SUPT3H: variants seen among roughly 807,000 people sequenced by gnomAD.
The protein encoded by SUPT3H is transcription initiation protein SPT3 homolog.
Under a neutral mutation model 44.3 loss-of-function variants are expected in SUPT3H, and 44 were observed. The observed-to-expected ratio is 0.99, with a 90% CI of 0.78 to 1.28. SUPT3H has a LOEUF of 1.28. SUPT3H is among the 50% of genes most tolerant of loss of function. SUPT3H has a pLI of 0.00. For missense variants in SUPT3H, 380 were observed against 387.1 expected (o/e 0.98, Z 0.15); for synonymous variants, 124 against 125.6 (o/e 0.99, Z 0.09).
intron 3 of SUPT3H, among the ~76,000 whole-genome samples, chr6:45,102,311 A>G (rs2153569373): frequency 1.3e-5 from 2 of 152,242 alleles, no homozygotes; most frequent in African/African-American, 4.8e-5. Flanking sequence ...AGGAAAACGT[A>G]CAAGTTTAAG....
rs181558515 is a variant in SUPT3H, at chr6:45,179,022, C to T, written c.102-73016G>A. Reference sequence around the variant, plus strand: ...TTAAAAGAGAGAAGAATCAAATAGACGCAATAAAAAATGATAAAGGGGATA... The same window carrying T: ...TTAAAAGAGAGAAGAATCAAATAGATGCAATAAAAAATGATAAAGGGGATA... On this transcript the variant is annotated intron_variant, in intron 2 of 10. Transcript: ENST00000371459. 4.8e-3 allele frequency among the ~76,000 whole-genome samples: 722 copies of T among 151,980 alleles called. 5 individuals carry two copies. Among genetic ancestry groups the T allele is most frequent in the African/African-American group, 0.015 (606 of 41,444 alleles).
At chr6:45,209,514 T>A (rs767263629) in intron 2 of SUPT3H, among the ~76,000 whole-genome samples, 5 of 152,124 alleles carry the variant, frequency 3.3e-5, no homozygotes, top group Non-Finnish European at 5.9e-5. Flanking sequence ...TGTAAGAGAA[T>A]TAGAATTAGA....
chr6:45,370,898 T>C (rs1232018117), intron 1 of SUPT3H, among the ~76,000 whole-genome samples: 4 of 152,078 alleles, frequency 2.6e-5, no homozygotes, highest in Non-Finnish European at 5.9e-5. Context: ...TCCAGTACTC[T>C]CACAGAAAAA....
chr6:45,077,051 C>A (rs1253149378), intron 3 of SUPT3H, among the ~76,000 whole-genome samples: 2 of 152,148 alleles, frequency 1.3e-5, no homozygotes, highest in African/African-American at 2.4e-5. Flanking sequence ...GTACTTCCCA[C>A]TGTCTCAACT....
chr6:45,374,098 A>G (rs1353815454), intron 1 of SUPT3H, among the ~76,000 whole-genome samples: 3 of 152,194 alleles, frequency 2.0e-5, no homozygotes, highest in Non-Finnish European at 4.4e-5. Context: ...CGGGATGAGG[A>G]TGGGTACTAA....
chr6:45,287,618 A>G (rs528424074), intron 2 of SUPT3H, among the ~76,000 whole-genome samples: 81 of 152,320 alleles, frequency 5.3e-4, no homozygotes, highest in African/African-American at 1.8e-3. Context: ...GGATGGGGGA[A>G]GGAGCAGTTA....
At chr6:45,155,919 A>C (rs1404766301) in intron 2 of SUPT3H, among the ~76,000 whole-genome samples, 1 of 152,134 alleles carries the variant, frequency 6.6e-6, no homozygotes, top group African/African-American at 2.4e-5. Flanking sequence ...AAATGGGCAA[A>C]TTTATATTTT....
At chr6:45,261,158 A>G (rs185948272) in intron 2 of SUPT3H, among the ~76,000 whole-genome samples, 1 of 152,172 alleles carries the variant, frequency 6.6e-6, no homozygotes, top group Admixed American at 6.5e-5. Flanking sequence ...GCTAGTACCA[A>G]TCCTAGTGAA....
In SUPT3H at chr6:45,074,640, T is replaced by C. The variant is rs116357162; in HGVS notation, c.186+31282A>G. 3.4e-3 allele frequency among the ~76,000 whole-genome samples: 511 copies of C among 152,126 alleles called. 6 individuals are homozygous for C. The highest frequency in any genetic ancestry group is 0.012 in the African/African-American group (489 of 41,536). ...ACATCCAAGAACAGACACGCTAAAC[T>C]ATGGTAATAGAAACCACTGGAGGAA... On this transcript the variant is annotated intron_variant, in intron 3 of 10. Transcript: ENST00000371459.
At chr6:44,945,701 A>C (rs966690035) in intron 9 of SUPT3H, among the ~76,000 whole-genome samples, 1 of 152,212 alleles carries the variant, frequency 6.6e-6, no homozygotes, top group Non-Finnish European at 1.5e-5. Context: ...GTTAGAGGCT[A>C]CCAGAGACTG....
chr6:44,872,547 A>C (rs1437758714), intron 10 of SUPT3H, among the ~76,000 whole-genome samples: 3 of 152,286 alleles, frequency 2.0e-5, no homozygotes, highest in East Asian at 3.9e-4. Context: ...CAAAATCATG[A>C]CAAAATGTAA....
intron 10 of SUPT3H, among the ~76,000 whole-genome samples, chr6:44,892,722 T>C (rs1171066806): frequency 1.3e-5 from 2 of 152,160 alleles, no homozygotes; most frequent in East Asian, 1.9e-4. Flanking sequence ...GAAGCCCACA[T>C]AGGTCAAGTG....
intron 3 of SUPT3H, among the ~76,000 whole-genome samples, chr6:45,071,616 G>T (rs1442517017): frequency 6.6e-6 from 1 of 152,066 alleles, no homozygotes; most frequent in East Asian, 1.9e-4. Context: ...ACTGTGACTG[G>T]GGATCTGTCC....
At chr6:45,259,009 C>T (rs1264605384) in intron 2 of SUPT3H, among the ~76,000 whole-genome samples, 1 of 151,932 alleles carries the variant, frequency 6.6e-6, no homozygotes, top group African/African-American at 2.4e-5. Context: ...ACTGTACTAC[C>T]AACCAGATTT....
At chr6:45,175,116 C>T (rs1215325271) in intron 2 of SUPT3H, among the ~76,000 whole-genome samples, 1 of 151,048 alleles carries the variant, frequency 6.6e-6, no homozygotes, top group Admixed American at 6.6e-5. Flanking sequence ...CATAGAACTT[C>T]CTACTATATC....
chr6:45,137,040 C>G (rs1804406375), intron 2 of SUPT3H, among the ~76,000 whole-genome samples: 2 of 152,068 alleles, frequency 1.3e-5, no homozygotes, highest in South Asian at 2.1e-4. Flanking sequence ...GGAATTACAA[C>G]TGGATTAACA....
intron 3 of SUPT3H, among the ~76,000 whole-genome samples, chr6:45,054,178 A>G (rs1230021366): frequency 6.6e-6 from 1 of 152,084 alleles, no homozygotes; most frequent in East Asian, 1.9e-4. Context: ...GCAATGACTG[A>G]GAAATCTTCT....
chr6:44,827,426 G>A lies in SUPT3H; in HGVS notation c.*2390C>T, dbSNP rs1244260883. ...CTGTATAATACCGACTGAAAATTAGGGACCATCGATTCTCATCTCTGGTCT... is the reference window on the plus strand; with the variant it reads ...CTGTATAATACCGACTGAAAATTAGAGACCATCGATTCTCATCTCTGGTCT... On this transcript the variant is annotated 3_prime_UTR_variant, in exon 11 of 11. Transcript: ENST00000371459. Among the ~76,000 whole-genome samples the A allele has an allele frequency of 6.6e-6, 1 of 151,916 alleles. No homozygotes were observed. The highest frequency in any genetic ancestry group is 6.6e-5 in the Admixed American group (1 of 15,262).
chr6:45,108,410 G>A (rs1799569774), intron 2 of SUPT3H, among the ~76,000 whole-genome samples: 1 of 152,168 alleles, frequency 6.6e-6, no homozygotes, highest in Admixed American at 6.5e-5. Context: ...ATATGTGTGT[G>A]TATGTGTGCA....
Sources: allele counts gnomAD v4.1 joint callset (sites outside exome capture counted in the v4.1 genomes callset), GRCh38; gene constraint gnomAD v4.1.1; transcripts MANE v1.5; gene names NCBI Gene and HGNC (gene_info 2026-07-23, HGNC 2026-07-21).